Variants in JAG2 observed in about 807,000 individuals in gnomAD.
The protein encoded by JAG2 is protein jagged-2.
JAG2 carries 46 observed loss-of-function variants against 141.7 expected under a neutral mutation model. That is an observed-to-expected ratio of 0.32 (90% CI 0.26 to 0.42). JAG2 has a LOEUF of 0.42. Among genes scored for constraint, JAG2 ranks in the 10% least tolerant of loss-of-function variants. The pLI, the probability that JAG2 is intolerant of heterozygous loss-of-function variation, is 1.00. For synonymous variants in JAG2, 862 were observed against 763.5 expected, an observed-to-expected ratio of 1.13 and a Z score of -2.13; for missense variants, 1,500 against 1,817.5, an observed-to-expected ratio of 0.83 and a Z score of 3.18.
At position 105,145,724 on chromosome 14, in the gene JAG2, C is replaced by A; in HGVS notation, c.2952+7G>T. ...TCTGCAAGCTCAGATGCCACCAGGC[C>A]CCTCACCTGGGGCACGTGGTCACGG... On this transcript the variant is annotated splice_region_variant and intron_variant, in intron 23 of 25. Coordinates refer to ENST00000331782, the MANE Select transcript of JAG2 (RefSeq NM_002226.5). 6.3e-7 allele frequency: 1 copy of A among 1,590,376 alleles called. No individual in the cohort carries two copies. The highest frequency in any genetic ancestry group is 8.6e-7 in the Non-Finnish European group (1 of 1,169,178).
In JAG2 at chr14:105,167,405, G is replaced by A. The variant is rs1242180947; in HGVS notation, c.417+352C>T. Among the ~76,000 whole-genome samples, 1 of 152,006 alleles carries A rather than the reference G, an allele frequency of 6.6e-6. No homozygotes were observed. The highest frequency in any genetic ancestry group is 6.5e-5 in the Admixed American group (1 of 15,280). ...CTAGACCAGCCCCAGCACGCGCTGC[G>A]CACATGCCACCGCGGCCTGCCCGGG... On this transcript the variant is annotated intron_variant, in intron 2 of 25. Transcript: ENST00000331782. The surrounding 1 kb of genome is among the most constrained non-coding windows in gnomAD (Gnocchi z 4.8).
At position 105,151,654 on chromosome 14, in the gene JAG2, C is replaced by T. The variant is rs202151324; in HGVS notation, c.1125G>A (p.Ser375=). 17 of 1,609,832 alleles carry T rather than the reference C, an allele frequency of 1.1e-5. No individual in the cohort carries two copies. The highest frequency in any genetic ancestry group is 4.0e-5 in the African/African-American group (3 of 75,046). Residue 375 remains serine, a synonymous_variant, in exon 8 of 26, where the codon TCG becomes TCA. Transcript: ENST00000331782. The part of the protein sequence containing the change: ...VPSGFECHCP[S]GWSGPTCALD... ...GGGCACAGGTGGGCCCGCTCCAGCC[C>T]GATGGGCAGTGGCATTCGAAGCCGG...
Position 105,155,926 on chromosome 14 carries a change from CTCTTCCAGCGG to C in JAG2, c.528_538del (p.Asp176GlufsTer67). ...CGCCACGTGGCCGCTGAAGTGCAGG[CTCTTCCAGCGG>C]TCCTCCGGGTTGATCATGCCGGCAT... On this transcript the variant is annotated frameshift_variant, in exon 4 of 26. Transcript: ENST00000331782. LOFTEE classifies it high-confidence loss of function. 1 of 1,611,822 alleles carries C rather than the reference CTCTTCCAGCGG, an allele frequency of 6.2e-7. No individual in the cohort carries two copies. The highest frequency in any genetic ancestry group is 8.5e-7 in the Non-Finnish European group (1 of 1,179,836).
rs1295727453 is a variant in JAG2, at chr14:105,167,491, A to ACGCCGCACAC, written c.417+256_417+265dup. 1.3e-5 allele frequency among the ~76,000 whole-genome samples: 2 copies of ACGCCGCACAC among 149,794 alleles called. No individual in the cohort carries two copies. The highest frequency in any genetic ancestry group is 4.9e-5 in the African/African-American group (2 of 40,832). On this transcript the variant is annotated intron_variant, in intron 2 of 25. Transcript: ENST00000331782. This position sits in a 1 kb window ranked among gnomAD's most constrained non-coding sequence, Gnocchi z 4.8. ...GACACGCGCAGGGCGACGCAGGCAC[A>ACGCCGCACAC]CGCCGCACACCGCCGCGCACGCGGG...
In JAG2 at chr14:105,154,901, A is replaced by G. The variant is rs1411896380; in HGVS notation, c.788+661T>C. 6.6e-6 allele frequency among the ~76,000 whole-genome samples: 1 copy of G among 151,464 alleles called. No homozygotes were observed. The highest frequency in any genetic ancestry group is 2.4e-5 in the African/African-American group (1 of 41,200). On this transcript the variant is annotated intron_variant, in intron 5 of 25. Transcript: ENST00000331782. The surrounding 1 kb of genome is among the most constrained non-coding windows in gnomAD (Gnocchi z 4.4). ...ACTCCACACCCTTCCTGCTTGATCA[A>G]ATCCATCCACAAACCCCTGGGCTCC...
At chr14:105,162,826 C>T (rs995793162) in intron 2 of JAG2, among the ~76,000 whole-genome samples, 2 of 149,298 alleles carry the variant, frequency 1.3e-5, no homozygotes, top group African/African-American at 2.5e-5. Flanking sequence ...AGGGCACCCC[C>T]AGCCCAGGGC....
In JAG2 at chr14:105,161,605, AG is replaced by A. The variant is rs587668376; in HGVS notation, c.418-3843del. 4.5e-3 allele frequency among the ~76,000 whole-genome samples: 688 copies of A among 151,720 alleles called. 5 individuals are homozygous for A. Among genetic ancestry groups the A allele is most frequent in the African/African-American group, 0.014 (584 of 41,326 alleles). On this transcript the variant is annotated intron_variant, in intron 2 of 25. Transcript: ENST00000331782. ...GCTGGGGTCCCTACACCTGGATGGC[AG>A]GAAGTCATCCAGAGTGAACCTGAGC...
intron 21 of JAG2, 55 bp downstream of exon 21, chr14:105,146,556 G>A (rs587717829): frequency 6.2e-7 from 1 of 1,605,496 alleles, no homozygotes; most frequent in East Asian, 2.2e-5. Flanking sequence ...TCGGGGCTGG[G>A]TGTCACCCAT....
At chr14:105,158,050 C>G (rs1210569280) in intron 2 of JAG2, among the ~76,000 whole-genome samples, 1 of 152,106 alleles carries the variant, frequency 6.6e-6, no homozygotes, top group Non-Finnish European at 1.5e-5. Flanking sequence ...TGAGCTGGCT[C>G]AAGTCAGCAC....
At chr14:105,148,580 G>C (rs111427523) in intron 15 of JAG2, 141 bp from the exon 16 acceptor site, 8 of 860,510 alleles carry the variant, frequency 9.3e-6, no homozygotes, top group Non-Finnish European at 1.5e-5. Context: ...AGCTGGCCTC[G>C]GGCATGGGGG....
chr14:105,168,462 G>A lies in JAG2; in HGVS notation c.-42C>T, dbSNP rs1888994243. ...CCGCCCGGCCCCGCCGCCGCCGCCC[G>A]CGCCCGGCTCCCAGCCGCCGCGCCG... On this transcript the variant is annotated 5_prime_UTR_variant, in exon 1 of 26. Coordinates refer to ENST00000331782, the MANE Select transcript of JAG2 (RefSeq NM_002226.5). 4 of 562,920 alleles carry A rather than the reference G, an allele frequency of 7.1e-6. No homozygotes were observed. The highest frequency in any genetic ancestry group is 6.7e-5 in the Admixed American group (1 of 15,012). 34.9% of individuals were successfully genotyped at this position (562,920 alleles called of 1,614,324 possible). A position where few individuals can be genotyped will look rare whatever the true frequency, so the allele number is the denominator to read the frequency against.
chr14:105,165,487 G>A (rs967664473), intron 2 of JAG2, among the ~76,000 whole-genome samples: 1 of 152,204 alleles, frequency 6.6e-6, no homozygotes, highest in East Asian at 1.9e-4. Context: ...CAGCCTGCTG[G>A]CATGTGGTCC....
At chr14:105,166,720 AACTCACAATC>A (rs1389906538) in intron 2 of JAG2, among the ~76,000 whole-genome samples, 1 of 152,138 alleles carries the variant, frequency 6.6e-6, no homozygotes, top group Non-Finnish European at 1.5e-5. Flanking sequence ...GATTGCCCTC[AACTCACAATC>A]ACTTCAGGGC....
chr14:105,147,972 G>C, intron 17 of JAG2, 84 bp from the exon 18 acceptor site: 1 of 1,235,038 alleles, frequency 8.1e-7, no homozygotes, highest in Non-Finnish European at 1.2e-6. Context: ...AACCCAGACA[G>C]GGCAGACAGA....
Position 105,155,873 on chromosome 14 carries a change from A to G in JAG2, c.592T>C (p.Cys198Arg). ...GTGGCGCTGTAGTAGTTCTCGTCGC[A>G]GCGCACGCGGATCTGCAGCTCCAGG... is the stretch of plus-strand genomic sequence containing the variant. ...AHLELQIRVR[C>R]DENYYSATCN... Residue 198 changes from cysteine to arginine, a missense_variant, in exon 4 of 26, where the codon TGC (cysteine) becomes CGC (arginine). Cys to Arg is a radical substitution (Grantham distance 180). Coordinates refer to ENST00000331782, the MANE Select transcript of JAG2 (RefSeq NM_002226.5). 6.2e-7 allele frequency: 1 copy of G among 1,612,312 alleles called. No individual in the cohort carries two copies. Among genetic ancestry groups the G allele is most frequent in the Non-Finnish European group, 8.5e-7 (1 of 1,179,752 alleles).
intron 2 of JAG2, among the ~76,000 whole-genome samples, chr14:105,162,002 G>A (rs936898192): frequency 1.8e-4 from 28 of 152,222 alleles, no homozygotes; most frequent in Non-Finnish European, 2.6e-4. Flanking sequence ...TTGGGCGGGG[G>A]TTGGCGGGCA....
At chr14:105,160,473 C>G (rs887550277) in intron 2 of JAG2, among the ~76,000 whole-genome samples, 2 of 151,604 alleles carry the variant, frequency 1.3e-5, no homozygotes, top group South Asian at 4.2e-4. Flanking sequence ...TCGTTCACAT[C>G]AAGTGTACAG....
At chr14:105,159,226 C>A (rs587623161) in intron 2 of JAG2, among the ~76,000 whole-genome samples, 2 of 152,120 alleles carry the variant, frequency 1.3e-5, no homozygotes, top group African/African-American at 4.8e-5. Flanking sequence ...GCTGGGCAAC[C>A]CCGGCCCCGC....
At chr14:105,162,776 A>G (rs1595189382) in intron 2 of JAG2, among the ~76,000 whole-genome samples, 1 of 81,496 alleles carries the variant, frequency 1.2e-5, no homozygotes, top group African/African-American at 3.2e-5. Context: ...CAGTGTACCC[A>G]CAGTCCAGGG....
Sources: allele counts gnomAD v4.1 joint callset (sites outside exome capture counted in the v4.1 genomes callset), GRCh38; gene constraint gnomAD v4.1.1; non-coding constraint Gnocchi (gnomAD v3.1); transcripts MANE v1.5; gene names NCBI Gene and HGNC (gene_info 2026-07-23, HGNC 2026-07-21).